The following RAB6A variants were observed in gnomAD, a reference collection of about 807,000 sequenced individuals.
RAB6A encodes ras-related protein Rab-6A.
A neutral mutation model predicts 32.3 loss-of-function variants in RAB6A; 8 were observed. The observed-to-expected ratio is 0.25, with a 90% CI of 0.15 to 0.45. The LOEUF (loss-of-function observed/expected upper bound fraction) is 0.45. Among genes scored for constraint, RAB6A ranks in the 20% least tolerant of loss-of-function variants. The pLI, the probability that RAB6A is intolerant of heterozygous loss-of-function variation, is 1.00. For synonymous variants in RAB6A, 73 were observed against 82.1 expected, an observed-to-expected ratio of 0.89 and a Z score of 0.60; for missense variants, 104 against 249.4, an observed-to-expected ratio of 0.42 and a Z score of 3.93.
intron 5 of RAB6A, among the ~76,000 whole-genome samples, chr11:73,707,799 G>A (rs1016076900): frequency 1.3e-5 from 2 of 151,660 alleles, no homozygotes; most frequent in Non-Finnish European, 2.9e-5. Context: ...GAGGATGCTC[G>A]AGCCCAGGAA....
intron 6 of RAB6A, chr11:73,704,138 C>T (rs1431588059): frequency 5.2e-6 from 2 of 385,964 alleles, no homozygotes; most frequent in Non-Finnish European, 1.1e-5. Context: ...ATCTCGAAAT[C>T]TTCGAGGCCA....
intron 6 of RAB6A, among the ~76,000 whole-genome samples, chr11:73,684,550 C>T (rs1235578935): frequency 6.6e-6 from 1 of 152,120 alleles, no homozygotes; most frequent in Non-Finnish European, 1.5e-5. Flanking sequence ...ACATTGGAAA[C>T]CAGAAAATTC....
chr11:73,704,123 C>T (rs1192038658), intron 6 of RAB6A: 1 of 371,336 alleles, frequency 2.7e-6, no homozygotes, highest in African/African-American at 2.1e-5. Flanking sequence ...GGGCTCATAC[C>T]TATAATCTCG....
chr11:73,739,263 T>TA lies in RAB6A; in HGVS notation c.71-8441dup, dbSNP rs58629008. Among the ~76,000 whole-genome samples the TA allele has an allele frequency of 4.4e-3, 41 of 9,380 alleles. 3 individuals carry two copies. The highest frequency in any genetic ancestry group is 7.4e-3 in the South Asian group (1 of 136). The allele number at this position is 9,380 out of a possible 152,430, so 6.2% of individuals were successfully genotyped here. A position where few individuals can be genotyped will look rare whatever the true frequency, so the allele number is the denominator to read the frequency against. On this transcript the variant is annotated intron_variant, in intron 1 of 7. Coordinates refer to ENST00000336083, the MANE Select transcript of RAB6A (RefSeq NM_198896.2). ...GCAAAAAAAAAATAGTAATAATAATTAAAAAAAAAAAAAAAAAAAAAATAT... is the reference window on the plus strand; with the variant it reads ...GCAAAAAAAAAATAGTAATAATAATTAAAAAAAAAAAAAAAAAAAAAAATAT...
rs554253895 is a variant in RAB6A at position 73,691,632 on chromosome 11, T to C, written c.496-11912A>G. Among the ~76,000 whole-genome samples the C allele has an allele frequency of 2.0e-5, 3 of 152,284 alleles. No individual in the cohort carries two copies. The East Asian group carries it at 5.8e-4, about 29-fold the overall frequency. Reference sequence around the variant, plus strand: ...AGTAGATATTTTTCAAAATGTTAGCTAAAACAATAATTAAGGGGTGTGAAA... The same window carrying C: ...AGTAGATATTTTTCAAAATGTTAGCCAAAACAATAATTAAGGGGTGTGAAA... On this transcript the variant is annotated intron_variant, in intron 6 of 7. Coordinates refer to ENST00000336083, the MANE Select transcript of RAB6A (RefSeq NM_198896.2).
rs532757584 is a variant in RAB6A, at chr11:73,684,165, G to GTT, written c.496-4447_496-4446dup. ...ATTTTTTAATTAAGATACATACATT[G>GTT]TTGTTTTTTTTTTTTTTCTGAGACA... On this transcript the variant is annotated intron_variant, in intron 6 of 7. Transcript: ENST00000336083. 2.6e-3 allele frequency among the ~76,000 whole-genome samples: 208 copies of GTT among 79,116 alleles called. 1 individual carries two copies. Among genetic ancestry groups the GTT allele is most frequent in the Middle Eastern group, 0.017 (3 of 172 alleles). The allele number at this position is 79,116 out of a possible 152,430, so 51.9% of individuals were successfully genotyped here.
chr11:73,739,282 AAAATATATAT>A (rs1278239395), intron 1 of RAB6A, among the ~76,000 whole-genome samples: 2 of 15,346 alleles, frequency 1.3e-4, no homozygotes, highest in South Asian at 5.3e-3. Context: ...AAAAAAAAAA[AAAATATATAT>A]ATATATATAT....
At chr11:73,760,291 G>A (rs1042595970) in intron 1 of RAB6A, among the ~76,000 whole-genome samples, 8 of 152,256 alleles carry the variant, frequency 5.3e-5, no homozygotes, top group Middle Eastern at 3.4e-3. Flanking sequence ...GCTGGGCGGG[G>A]TGAGGTCTGG....
intron 6 of RAB6A, among the ~76,000 whole-genome samples, chr11:73,690,624 G>GAAGTT (rs1178761291): frequency 7.1e-6 from 1 of 141,736 alleles, no homozygotes; most frequent in East Asian, 2.1e-4. Flanking sequence ...CCTGGAAAAA[G>GAAGTT]AAGTTACAGA....
chr11:73,720,297 CAGCCTCCCA>C (rs1351028288), intron 3 of RAB6A, among the ~76,000 whole-genome samples: 1 of 151,578 alleles, frequency 6.6e-6, no homozygotes, highest in Non-Finnish European at 1.5e-5. Context: ...TCTCCTGCCT[CAGCCTCCCA>C]AGTAGCTGGG....
rs1190775649 is a variant in RAB6A, at chr11:73,700,861, A to G, written c.495+6559T>C. On this transcript the variant is annotated intron_variant, in intron 6 of 7. Coordinates refer to ENST00000336083, the MANE Select transcript of RAB6A (RefSeq NM_198896.2). The stretch of plus-strand genomic sequence containing the variant: ...AGGGTCAAGTGCTTAAATCAAAATA[A>G]AGAGCAAAAGGGTTAAGCACAGGAC... Among the ~76,000 whole-genome samples the G allele has an allele frequency of 2.6e-5, 4 of 152,180 alleles. No homozygotes were observed. The East Asian group carries it at 7.7e-4, about 29-fold the overall frequency.
intron 1 of RAB6A, among the ~76,000 whole-genome samples, chr11:73,735,427 T>C (rs1946378443): frequency 6.6e-6 from 1 of 152,212 alleles, no homozygotes; most frequent in Non-Finnish European, 1.5e-5. Flanking sequence ...CAGAACATAG[T>C]ACTTGCTAAG....
intron 2 of RAB6A, among the ~76,000 whole-genome samples, chr11:73,725,574 G>C (rs755238476): frequency 2.0e-5 from 3 of 152,190 alleles, no homozygotes; most frequent in Non-Finnish European, 2.9e-5. Flanking sequence ...CAGAGAATCA[G>C]AAGCAAGCGA....
intron 5 of RAB6A, among the ~76,000 whole-genome samples, chr11:73,710,257 C>T (rs1271107955): frequency 4.6e-5 from 7 of 150,702 alleles, no homozygotes; most frequent in Non-Finnish European, 7.4e-5. Flanking sequence ...TGAGCCACCG[C>T]GCCCGGCCCC....
In RAB6A at chr11:73,696,596, G is replaced by A. The variant is rs1468771013; in HGVS notation, c.495+10824C>T. On this transcript the variant is annotated intron_variant, in intron 6 of 7. Coordinates refer to ENST00000336083, the MANE Select transcript of RAB6A (RefSeq NM_198896.2). ...TTTAGTTTTTCAATTACTCTTAACA[G>A]ATCATTTTTTACAGAAGAGCCAGTG... Among the ~76,000 whole-genome samples, 65 of 151,996 alleles carry A rather than the reference G, an allele frequency of 4.3e-4. 2 individuals are homozygous for A. Among genetic ancestry groups the A allele is most frequent in the Admixed American group, 4.2e-3 (64 of 15,232 alleles).
At chr11:73,680,896 C>T (rs1052841606) in intron 6 of RAB6A, among the ~76,000 whole-genome samples, 2 of 152,146 alleles carry the variant, frequency 1.3e-5, no homozygotes, top group African/African-American at 2.4e-5. Context: ...GAGAAACGCA[C>T]TCAAGCCTGG....
At chr11:73,744,819 A>G (rs1359447216) in intron 1 of RAB6A, among the ~76,000 whole-genome samples, 1 of 151,870 alleles carries the variant, frequency 6.6e-6, no homozygotes, top group African/African-American at 2.4e-5. Context: ...TACTAAAAAT[A>G]CAAAAATTAG....
At chr11:73,730,477 A>G in intron 2 of RAB6A, 1 of 273,794 alleles carries the variant, frequency 3.7e-6, no homozygotes, top group Non-Finnish European at 6.8e-6. Flanking sequence ...ACAGAATCCT[A>G]GGCTTGGACA....
chr11:73,687,973 G>A (rs536595705), intron 6 of RAB6A, among the ~76,000 whole-genome samples: 1 of 152,204 alleles, frequency 6.6e-6, no homozygotes, highest in African/African-American at 2.4e-5. Flanking sequence ...TAATACTACA[G>A]AAGAGATAGT....
Sources: allele counts gnomAD v4.1 joint callset (sites outside exome capture counted in the v4.1 genomes callset), GRCh38; gene constraint gnomAD v4.1.1; transcripts MANE v1.5; gene names NCBI Gene and HGNC (gene_info 2026-07-23, HGNC 2026-07-21).